Variants in SEMA3D observed in about 807,000 individuals in gnomAD.
The protein encoded by SEMA3D is semaphorin 3D, also known as semaphorin-3D.
SEMA3D carries 84 observed loss-of-function variants against 100.1 expected under a neutral mutation model. The observed-to-expected ratio is 0.84, with a 90% CI of 0.70 to 1.01. The LOEUF (loss-of-function observed/expected upper bound fraction) is 1.01, where lower values mean the gene tolerates loss of function less well. Ranked by LOEUF, SEMA3D falls within the 50% of genes least tolerant of loss-of-function variation. The pLI, the probability that SEMA3D is intolerant of heterozygous loss-of-function variation, is 0.00. For missense variants in SEMA3D, 875 were observed against 934.1 expected (o/e 0.94, Z 0.82); for synonymous variants, 312 against 320.7 (o/e 0.97, Z 0.29).
intron 2 of SEMA3D, among the ~76,000 whole-genome samples, chr7:85,147,972 T>C (rs972870970): frequency 2.0e-5 from 3 of 152,098 alleles, no homozygotes; most frequent in African/African-American, 4.8e-5. Context: ...TTTTATTCTC[T>C]CAAACACCCA....
intron 9 of SEMA3D, among the ~76,000 whole-genome samples, chr7:85,051,190 C>T (rs188648682): frequency 7.2e-5 from 11 of 151,834 alleles, no homozygotes; most frequent in African/African-American, 2.7e-4. Context: ...GCAATAGGTG[C>T]CTGCTGTCCT....
intron 1 of SEMA3D, among the ~76,000 whole-genome samples, chr7:85,172,368 G>C (rs573215904): frequency 6.6e-6 from 1 of 152,052 alleles, no homozygotes; most frequent in South Asian, 2.1e-4. Flanking sequence ...CATTCAACAA[G>C]TATTTTCTCA....
chr7:85,025,269 G>A (rs1403884974), intron 12 of SEMA3D, among the ~76,000 whole-genome samples: 1 of 151,948 alleles, frequency 6.6e-6, no homozygotes, highest in Non-Finnish European at 1.5e-5. Context: ...CTCAAAGACA[G>A]TATTCTTCTC....
At chr7:85,123,237 C>T (rs970166799) in intron 2 of SEMA3D, among the ~76,000 whole-genome samples, 2 of 152,144 alleles carry the variant, frequency 1.3e-5, no homozygotes, top group African/African-American at 4.8e-5. Context: ...ATCTTCAGCT[C>T]CTGCCAGAGT....
chr7:85,197,120 C>A, the SEMA3D span, among the ~76,000 whole-genome samples: 2 of 152,142 alleles, frequency 1.3e-5, no homozygotes, highest in East Asian at 3.9e-4. Context: ...AAACATGTTT[C>A]TTTGCCATAT....
chr7:85,151,092 C>CCACA (rs67407646), intron 2 of SEMA3D, among the ~76,000 whole-genome samples: 12 of 147,232 alleles, frequency 8.2e-5, no homozygotes, highest in Admixed American at 1.4e-4. Flanking sequence ...TAAAAAAAAT[C>CCACA]CACACACACA....
intron 12 of SEMA3D, chr7:85,029,044 G>A: frequency 2.1e-6 from 1 of 473,608 alleles, no homozygotes; most frequent in Non-Finnish European, 4.1e-6. Flanking sequence ...TAAAACTGCT[G>A]ATGGAGTCAT....
At chr7:85,055,645 C>CAT (rs56131427) in intron 9 of SEMA3D, 72 bp downstream of exon 9, 4,803 of 159,026 alleles carry the variant, frequency 0.03, 116 homozygotes, top group Admixed American at 0.044. Context: ...TTTTCATATA[C>CAT]ATATATATAT....
chr7:85,154,690 G>T (rs1345850021), intron 1 of SEMA3D, among the ~76,000 whole-genome samples: 1 of 152,150 alleles, frequency 6.6e-6, no homozygotes, highest in African/African-American at 2.4e-5. Context: ...GCAGTATAAA[G>T]TGCACTTTGT....
At chr7:85,144,531 A>C (rs1790145880) in intron 2 of SEMA3D, 1 of 984,570 alleles carries the variant, frequency 1.0e-6, no homozygotes, top group Non-Finnish European at 1.2e-6. Context: ...CTTATGCTTC[A>C]TGTAATAGAA....
chr7:85,072,011 T>C (rs942442751), intron 6 of SEMA3D, among the ~76,000 whole-genome samples: 4 of 152,202 alleles, frequency 2.6e-5, no homozygotes, highest in African/African-American at 7.2e-5. Flanking sequence ...TTGGGTGATG[T>C]AGCATGTAAT....
chr7:85,073,437 A>G (rs1321685633), intron 5 of SEMA3D, among the ~76,000 whole-genome samples: 1 of 151,224 alleles, frequency 6.6e-6, no homozygotes, highest in Non-Finnish European at 1.5e-5. Flanking sequence ...TTTTTTAGAG[A>G]TGACACCTCT....
chr7:85,121,960 T>C, intron 2 of SEMA3D, 29 bp from the exon 3 acceptor site: 1 of 1,127,668 alleles, frequency 8.9e-7, no homozygotes. Flanking sequence ...AAAAAAACTA[T>C]TAAGGTATCA....
At chr7:85,065,361 C>A in intron 8 of SEMA3D, 63 bp downstream of exon 8, 2 of 1,412,006 alleles carry the variant, frequency 1.4e-6, no homozygotes, top group South Asian at 1.2e-5. Context: ...AATAATAATA[C>A]ACTTCTTATC....
chr7:85,032,707 A>G (rs2115924513), intron 12 of SEMA3D, among the ~76,000 whole-genome samples: 1 of 152,268 alleles, frequency 6.6e-6, no homozygotes, highest in South Asian at 2.1e-4. Context: ...TAAAGAGAGC[A>G]TAGATATAAC....
At position 84,995,557 on chromosome 7, in the gene SEMA3D, T is replaced by C. The variant is rs942293729; in HGVS notation, c.*3883A>G. On this transcript the variant is annotated 3_prime_UTR_variant, in exon 19 of 19. Coordinates refer to ENST00000284136, the MANE Select transcript of SEMA3D (RefSeq NM_001384900.1). ...AATTTGCACACAAACCAGTAGTTTTTATAATCATAGAACAGTCATGTTTGC... is the reference window on the plus strand; with the variant it reads ...AATTTGCACACAAACCAGTAGTTTTCATAATCATAGAACAGTCATGTTTGC... 8 of 152,074 alleles carry C rather than the reference T, an allele frequency of 5.3e-5. No homozygotes were observed. The highest frequency in any genetic ancestry group is 1.9e-4 in the African/African-American group (8 of 41,462). The allele number at this position is 152,074 out of a possible 1,614,324, so 9.4% of individuals were successfully genotyped here.
At chr7:85,181,649 T>C (rs1392110192) in intron 1 of SEMA3D, 2 of 218,556 alleles carry the variant, frequency 9.2e-6, no homozygotes, top group African/African-American at 4.7e-5. Context: ...ACTCCTGAAG[T>C]GTGGGCTAAG....
the SEMA3D span, among the ~76,000 whole-genome samples, chr7:85,228,552 T>C: frequency 6.6e-6 from 1 of 152,084 alleles, no homozygotes; most frequent in Non-Finnish European, 1.5e-5. Context: ...GTTGTTGCCC[T>C]CCAGGCCATA....
At chr7:85,164,131 C>A (rs921496535) in intron 1 of SEMA3D, among the ~76,000 whole-genome samples, 1 of 152,012 alleles carries the variant, frequency 6.6e-6, no homozygotes, top group African/African-American at 2.4e-5. Flanking sequence ...TACAGTCAGT[C>A]AGTAGCAGAG....
Sources: gnomAD v4.1 joint callset for allele counts (sites outside exome capture counted in the v4.1 genomes callset) on GRCh38, gnomAD v4.1.1 for gene constraint, MANE v1.5 for transcripts, NCBI Gene and HGNC (gene_info 2026-07-23, HGNC 2026-07-21) for gene names.